MYT1L: variants seen among roughly 807,000 people sequenced by gnomAD.
The protein encoded by MYT1L is myelin transcription factor 1 like.
MYT1L carries 12 observed loss-of-function variants against 126.7 expected under a neutral mutation model. The observed-to-expected ratio is 0.09, with a 90% CI of 0.06 to 0.15. MYT1L has a LOEUF of 0.15. MYT1L is among the 10% of genes least tolerant of loss of function. The pLI, the probability that MYT1L is intolerant of heterozygous loss-of-function variation, is 1.00. For missense variants in MYT1L, 979 were observed against 1,585.2 expected, an observed-to-expected ratio of 0.62 and a Z score of 6.49; for synonymous variants, 541 against 604.2, an observed-to-expected ratio of 0.90 and a Z score of 1.53.
rs2096282164 is a variant in MYT1L at position 2,331,207 on chromosome 2, AAAACCCGGG to A, written c.-770_-762del. On this transcript the variant is annotated 5_prime_UTR_variant, in exon 1 of 25. Transcript: ENST00000647738. ...AAATGCACCCACCAACAATGAGCAA[AAAACCCGGG>A]GTGCTTCAACAAGACTGCAGGGAAA... The A allele has an allele frequency of 6.6e-6, 1 of 152,128 alleles. No individual in the cohort carries two copies. Among genetic ancestry groups the A allele is most frequent in the Non-Finnish European group, 1.5e-5 (1 of 68,028 alleles). The allele number at this position is 152,128 out of a possible 1,614,324, so 9.4% of individuals were successfully genotyped here.
intron 24 of MYT1L, 124 bp downstream of exon 24, chr2:1,792,197 G>A: frequency 7.5e-7 from 1 of 1,339,146 alleles, no homozygotes; most frequent in Non-Finnish European, 1.0e-6. Flanking sequence ...TGGTTTCGGG[G>A]TGGTAACCAC....
intron 3 of MYT1L, among the ~76,000 whole-genome samples, chr2:2,082,568 A>G (rs1423559627): frequency 6.6e-6 from 1 of 152,208 alleles, no homozygotes; most frequent in Non-Finnish European, 1.5e-5. Context: ...TAACATTGTA[A>G]CATTTATAAT....
At chr2:2,173,733 C>T (rs1171334194) in intron 2 of MYT1L, among the ~76,000 whole-genome samples, 2 of 152,174 alleles carry the variant, frequency 1.3e-5, no homozygotes, top group Non-Finnish European at 2.9e-5. Context: ...TGCAAACCTC[C>T]TAATTCCAAG....
Position 1,889,276 on chromosome 2 carries a change from G to A in MYT1L, c.2485C>T (p.Arg829Trp), listed in dbSNP as rs758959040. 1.9e-6 allele frequency: 3 copies of A among 1,613,902 alleles called. No homozygotes were observed. The highest frequency in any genetic ancestry group is 1.3e-5 in the African/African-American group (1 of 75,034). Residue 829 changes from arginine to tryptophan, a missense_variant, in exon 16 of 25, where the codon CGG becomes TGG. Physicochemically the swap from Arg to Trp is moderately radical, Grantham distance 101. Around this residue, in one of 12 missense-constraint regions of MYT1L, gnomAD observed 141 missense variants for 170.6 expected, o/e 0.83. Coordinates refer to ENST00000647738, the MANE Select transcript of MYT1L (RefSeq NM_001303052.2). This position sits in a 1 kb window ranked among gnomAD's most constrained non-coding sequence, Gnocchi z 4.1. ...TTGGACTCGTCCTCGTCTATCCTCC[G>A]GGGTTTCATTTTGGTGTAGTCTACG... ...LPVDYTKMKP[R>W]RIDEDESKDI...
chr2:1,931,829 C>A (rs1482772897), intron 9 of MYT1L, among the ~76,000 whole-genome samples: 2 of 152,140 alleles, frequency 1.3e-5, no homozygotes, highest in Non-Finnish European at 2.9e-5. Flanking sequence ...GTAAATCAAT[C>A]TACTCCGTGC....
intron 3 of MYT1L, among the ~76,000 whole-genome samples, chr2:2,076,814 AC>A (rs2075279091): frequency 6.6e-6 from 1 of 152,116 alleles, no homozygotes; most frequent in Non-Finnish European, 1.5e-5. Context: ...AGTATGACAC[AC>A]ACACACACGA....
chr2:2,010,780 A>C (rs543181327), intron 4 of MYT1L, among the ~76,000 whole-genome samples: 72 of 152,326 alleles, frequency 4.7e-4, no homozygotes, highest in African/African-American at 1.6e-3. Flanking sequence ...CTACAAAGCA[A>C]CAGCAATCAA....
rs2060426434 is a variant in MYT1L at position 1,979,364 on chromosome 2, G to A, written c.90-137C>T. On this transcript the variant is annotated intron_variant, in intron 7 of 24. Transcript: ENST00000647738. This position sits in a 1 kb window ranked among gnomAD's most constrained non-coding sequence, Gnocchi z 4.0. ...CAATCCAAAGGAGGGGGAAATTCGGGGAGGCTTTTTACGAGCAAGTCTCGG... is the reference window on the plus strand; with the variant it reads ...CAATCCAAAGGAGGGGGAAATTCGGAGAGGCTTTTTACGAGCAAGTCTCGG... 3.6e-6 allele frequency: 4 copies of A among 1,103,830 alleles called. No homozygotes were observed. The East Asian group carries it at 9.9e-5, about 27-fold the overall frequency. The allele number at this position is 1,103,830 out of a possible 1,614,324, so 68.4% of individuals were successfully genotyped here.
intron 3 of MYT1L, among the ~76,000 whole-genome samples, chr2:2,121,282 A>G (rs1307288436): frequency 6.6e-6 from 1 of 151,828 alleles, no homozygotes; most frequent in Admixed American, 6.6e-5. Context: ...GGTTCAAGCA[A>G]TTCTCCTGCC....
intron 3 of MYT1L, among the ~76,000 whole-genome samples, chr2:2,087,770 TAG>T (rs1187219826): frequency 6.6e-6 from 1 of 152,118 alleles, no homozygotes; most frequent in Non-Finnish European, 1.5e-5. Flanking sequence ...CTACTACAAA[TAG>T]ATCAAGTCAA....
intron 4 of MYT1L, among the ~76,000 whole-genome samples, chr2:2,037,820 T>C (rs1359145729): frequency 6.6e-6 from 1 of 151,260 alleles, no homozygotes; most frequent in Admixed American, 6.6e-5. Flanking sequence ...AAAAACCCCC[T>C]ACACACTTCA....
At chr2:2,261,495 G>T (rs1373950852) in intron 2 of MYT1L, among the ~76,000 whole-genome samples, 1 of 152,144 alleles carries the variant, frequency 6.6e-6, no homozygotes, top group African/African-American at 2.4e-5. Flanking sequence ...CCTCCCCCCT[G>T]TTAGGTAGGA....
At chr2:2,065,022 G>A (rs1283939771) in intron 3 of MYT1L, among the ~76,000 whole-genome samples, 1 of 152,048 alleles carries the variant, frequency 6.6e-6, no homozygotes, top group Non-Finnish European at 1.5e-5. Flanking sequence ...AACATAGGGA[G>A]AGGCCATCTC....
chr2:2,190,243 G>A (rs1030379186), intron 2 of MYT1L, among the ~76,000 whole-genome samples: 2 of 152,160 alleles, frequency 1.3e-5, no homozygotes, highest in African/African-American at 4.8e-5. Context: ...GATCACTTGA[G>A]CTCAGGGATT....
At chr2:1,866,567 G>C (rs1419563146) in intron 18 of MYT1L, among the ~76,000 whole-genome samples, 1 of 136,808 alleles carries the variant, frequency 7.3e-6, no homozygotes, top group African/African-American at 2.8e-5. Context: ...GAGAGGGAAG[G>C]GGAGAGAGAG....
intron 22 of MYT1L, among the ~76,000 whole-genome samples, chr2:1,803,953 G>A (rs953173833): frequency 3.9e-5 from 6 of 152,298 alleles, no homozygotes; most frequent in African/African-American, 1.4e-4. Flanking sequence ...CGTGCGCCTC[G>A]GCGTGAAGCC....
intron 2 of MYT1L, among the ~76,000 whole-genome samples, chr2:2,253,702 G>A (rs2094723767): frequency 6.6e-6 from 1 of 151,914 alleles, no homozygotes; most frequent in East Asian, 1.9e-4. Flanking sequence ...AGAGCAAGTC[G>A]GAAACAGGAA....
chr2:2,101,971 T>C (rs1241930908), intron 3 of MYT1L, among the ~76,000 whole-genome samples: 1 of 152,250 alleles, frequency 6.6e-6, no homozygotes, highest in Non-Finnish European at 1.5e-5. Context: ...AACACTTCAG[T>C]GGTTTCTGAT....
chr2:2,207,872 A>G (rs1463869927), intron 2 of MYT1L, among the ~76,000 whole-genome samples: 1 of 152,150 alleles, frequency 6.6e-6, no homozygotes, highest in African/African-American at 2.4e-5. Flanking sequence ...AAGCACCTAC[A>G]CCAGGAACCT....
Sources: gnomAD v4.1 joint callset for allele counts (sites outside exome capture counted in the v4.1 genomes callset) on GRCh38, gnomAD v4.1.1 for gene constraint, gnomAD v4.1.1 regional missense constraint, Gnocchi (gnomAD v3.1) non-coding constraint, MANE v1.5 for transcripts, NCBI Gene and HGNC (gene_info 2026-07-23, HGNC 2026-07-21) for gene names.